Variants in TPTE observed in about 807,000 individuals in gnomAD.
TPTE encodes transmembrane phosphatase with tensin homology.
A neutral mutation model predicts 84.1 loss-of-function variants in TPTE; 59 were observed. The observed-to-expected ratio is 0.70, with a 90% CI of 0.57 to 0.87. The LOEUF is 0.87. Among genes scored for constraint, TPTE ranks in the 40% least tolerant of loss-of-function variants. TPTE has a pLI of 0.00. For synonymous variants in TPTE, 130 were observed against 223.5 expected, an observed-to-expected ratio of 0.58 and a Z score of 3.73; for missense variants, 382 against 659.6, an observed-to-expected ratio of 0.58 and a Z score of 4.61.
intron 17 of TPTE, among the ~76,000 whole-genome samples, chr21:10,585,724 G>C (rs2075352142): frequency 6.6e-6 from 1 of 152,304 alleles, no homozygotes; most frequent in South Asian, 2.1e-4. Flanking sequence ...CATTGGCCTA[G>C]AGTTTTCTCT....
chr21:10,573,059 T>TAAAAAAAAAAA (rs56182104), intron 14 of TPTE, among the ~76,000 whole-genome samples: 1 of 146,744 alleles, frequency 6.8e-6, no homozygotes, highest in Non-Finnish European at 1.5e-5. Context: ...TGCCAAGATT[T>TAAAAAAAAAAA]AAAAAAAAAA....
At position 10,598,019 on chromosome 21, in the gene TPTE, T is replaced by G. The variant is rs141919406; in HGVS notation, c.1281T>G (p.Tyr427Ter). 3.4e-4 allele frequency: 540 copies of G among 1,611,834 alleles called. No homozygotes were observed. The highest frequency in any genetic ancestry group is 4.8e-4 in the Admixed American group (29 of 59,906). ...KHFIIYSIPR[Y>*]VRDLKIQIEM... ...AATTTCATTTTGTTGGAACAGGTTA[T>G]GTACGTGATCTAAAAATCCAAATAG... Residue 427 changes from tyrosine to a stop codon, truncating the protein, a stop_gained, in exon 21 of 24, where the codon TAT becomes TAG. Coordinates refer to ENST00000618007, the MANE Select transcript of TPTE (RefSeq NM_199261.4). LOFTEE classifies it high-confidence loss of function.
At chr21:10,548,318 G>A (rs212121) in intron 7 of TPTE, among the ~76,000 whole-genome samples, 31,591 of 144,504 alleles carry the variant, frequency 0.22, 64 homozygotes, top group African/African-American at 0.47. Context: ...GCAACCTTGG[G>A]TGAGCCTGAG....
chr21:10,570,444 T>A lies in TPTE; in HGVS notation c.731-41T>A, dbSNP rs376697381. On this transcript the variant is annotated intron_variant, in intron 13 of 23. Transcript: ENST00000618007. ...TAATTTTTTTGTATGTTGTATGAAA[T>A]CTATAATAATGTTTGTAATAGTGAT... 62 of 1,613,428 alleles carry A rather than the reference T, an allele frequency of 3.8e-5. No homozygotes were observed. In the African/African-American group the frequency reaches 7.9e-4, roughly 20 times the overall value.
chr21:10,562,081 CAA>C (rs1278986725), intron 10 of TPTE, among the ~76,000 whole-genome samples: 1 of 152,310 alleles, frequency 6.6e-6, no homozygotes, highest in Admixed American at 6.5e-5. Context: ...GGGAAGAAAA[CAA>C]GAGTCTCTTT....
chr21:10,580,681 C>G (rs1285331651), intron 17 of TPTE, among the ~76,000 whole-genome samples: 2 of 152,302 alleles, frequency 1.3e-5, no homozygotes, highest in Non-Finnish European at 2.9e-5. Context: ...TTTTTCTGGG[C>G]TTTGTATTCT....
At chr21:10,536,411 C>A (rs1269547294) in intron 3 of TPTE, among the ~76,000 whole-genome samples, 1 of 152,308 alleles carries the variant, frequency 6.6e-6, no homozygotes, top group Non-Finnish European at 1.5e-5. Context: ...GTCCAACTAT[C>A]TACTTTTATA....
chr21:10,538,642 G>A (rs469960), intron 3 of TPTE, 39 bp from the exon 4 acceptor site: 197,821 of 1,517,110 alleles, frequency 0.13, 199 homozygotes, highest in African/African-American at 0.47. Context: ...ATTTTGAATT[G>A]TGTCTCCTGT....
chr21:10,594,019 T>C (rs1462583924), intron 19 of TPTE, among the ~76,000 whole-genome samples: 8 of 152,276 alleles, frequency 5.3e-5, no homozygotes, highest in African/African-American at 1.7e-4. Context: ...GATAGGTGAA[T>C]TTACTGAAGT....
chr21:10,544,718 T>C (rs1191127246), intron 7 of TPTE, among the ~76,000 whole-genome samples: 1 of 152,306 alleles, frequency 6.6e-6, no homozygotes, highest in Non-Finnish European at 1.5e-5. Flanking sequence ...TACTTAACCC[T>C]ATCTGAGGGG....
intron 19 of TPTE, among the ~76,000 whole-genome samples, chr21:10,594,294 C>G: frequency 6.6e-6 from 1 of 152,306 alleles, no homozygotes; most frequent in Non-Finnish European, 1.5e-5. Context: ...CTGAAGTAGT[C>G]TCTTGCTTTT....
chr21:10,556,849 A>G (rs1308350118), intron 8 of TPTE, among the ~76,000 whole-genome samples: 3 of 152,302 alleles, frequency 2.0e-5, no homozygotes, highest in Non-Finnish European at 4.4e-5. Flanking sequence ...TCTTTTGAGA[A>G]GTGTCTGTTC....
intron 17 of TPTE, among the ~76,000 whole-genome samples, chr21:10,581,585 T>A (rs1310106194): frequency 6.6e-6 from 1 of 152,308 alleles, no homozygotes; most frequent in African/African-American, 2.4e-5. Flanking sequence ...TTACCAGTAG[T>A]ATCGTGATAG....
intron 19 of TPTE, among the ~76,000 whole-genome samples, chr21:10,593,348 ATGTT>A (rs1176178227): frequency 6.6e-6 from 1 of 152,310 alleles, no homozygotes; most frequent in Non-Finnish European, 1.5e-5. Context: ...TTTGTAGTCC[ATGTT>A]TGTTTCCAAA....
At chr21:10,558,270 C>G (rs1279179232) in intron 8 of TPTE, among the ~76,000 whole-genome samples, 4 of 152,302 alleles carry the variant, frequency 2.6e-5, no homozygotes, top group Non-Finnish European at 4.4e-5. Context: ...GGTATCTACT[C>G]AGTATTGGGA....
chr21:10,587,277 G>A (rs1357131052), intron 17 of TPTE, among the ~76,000 whole-genome samples: 1 of 152,308 alleles, frequency 6.6e-6, no homozygotes, highest in Non-Finnish European at 1.5e-5. Flanking sequence ...TGGTAATATT[G>A]TGTGATGCTG....
intron 18 of TPTE, 94 bp downstream of exon 18, chr21:10,590,617 C>T (rs2075455361): frequency 6.3e-7 from 1 of 1,577,220 alleles, no homozygotes; most frequent in African/African-American, 1.4e-5. Context: ...TTATTTTAGT[C>T]ATGGTGCTTA....
intron 2 of TPTE, among the ~76,000 whole-genome samples, chr21:10,525,850 C>G: frequency 6.6e-6 from 1 of 152,306 alleles, no homozygotes; most frequent in Non-Finnish European, 1.5e-5. Context: ...CAGGTAACAT[C>G]TATGGATGTC....
chr21:10,536,944 A>G (rs1273650241), intron 3 of TPTE, among the ~76,000 whole-genome samples: 3 of 152,310 alleles, frequency 2.0e-5, no homozygotes, highest in South Asian at 4.1e-4. Context: ...GAAAACAAAC[A>G]GAGCTAATGG....
Sources: gnomAD v4.1 joint callset for allele counts (sites outside exome capture counted in the v4.1 genomes callset) on GRCh38, gnomAD v4.1.1 for gene constraint, MANE v1.5 for transcripts, NCBI Gene and HGNC (gene_info 2026-07-23, HGNC 2026-07-21) for gene names.